Variants in TTLL11 observed in about 807,000 individuals in gnomAD.
TTLL11 encodes the protein tubulin tyrosine ligase like 11, also known as tubulin polyglutamylase TTLL11.
TTLL11 carries 42 observed loss-of-function variants against 51.7 expected under a neutral mutation model. The ratio of observed to expected loss-of-function variants is 0.81; its 90% CI spans 0.64 to 1.05. TTLL11 has a LOEUF of 1.05. Ranked by LOEUF, TTLL11 falls within the 50% of genes least tolerant of loss-of-function variation. The pLI, the probability that TTLL11 is intolerant of heterozygous loss-of-function variation, is 0.00. For missense variants in TTLL11, 799 were observed against 940.4 expected (o/e 0.85, Z 1.97); for synonymous variants, 381 against 383.5 (o/e 0.99, Z 0.08).
chr9:122,014,180 C>A (rs965233522), intron 3 of TTLL11, among the ~76,000 whole-genome samples: 5 of 152,062 alleles, frequency 3.3e-5, no homozygotes, highest in Non-Finnish European at 7.4e-5. Flanking sequence ...GCCTGGCCAA[C>A]ATAGCAAAAC....
chr9:122,002,245 A>G (rs1288456506), intron 3 of TTLL11, among the ~76,000 whole-genome samples: 1 of 152,194 alleles, frequency 6.6e-6, no homozygotes, highest in African/African-American at 2.4e-5. Flanking sequence ...CTGCTTCCTT[A>G]ATAAATCAGA....
At chr9:121,826,397 A>G (rs1302958304) in intron 8 of TTLL11, among the ~76,000 whole-genome samples, 1 of 136,754 alleles carries the variant, frequency 7.3e-6, no homozygotes, top group Non-Finnish European at 1.6e-5. Flanking sequence ...GTATATATAT[A>G]TGGGTTTATA....
chr9:122,047,180 C>T (rs1453326751), intron 1 of TTLL11, among the ~76,000 whole-genome samples: 1 of 152,166 alleles, frequency 6.6e-6, no homozygotes, highest in Non-Finnish European at 1.5e-5. Context: ...CAGCATATGC[C>T]TGTTGTCCTG....
chr9:121,956,998 G>A (rs1367052454), intron 6 of TTLL11, among the ~76,000 whole-genome samples: 2 of 152,154 alleles, frequency 1.3e-5, no homozygotes, highest in East Asian at 3.9e-4. Context: ...GGGAGTCTGG[G>A]AGTGGCCTTG....
intron 6 of TTLL11, among the ~76,000 whole-genome samples, chr9:121,951,710 C>T (rs1841855760): frequency 6.6e-6 from 1 of 152,134 alleles, no homozygotes; most frequent in African/African-American, 2.4e-5. Flanking sequence ...TTTCTTGGAC[C>T]TCCCGCAGGA....
At chr9:121,859,761 G>A (rs950608749) in intron 8 of TTLL11, among the ~76,000 whole-genome samples, 6 of 152,146 alleles carry the variant, frequency 3.9e-5, no homozygotes, top group Non-Finnish European at 8.8e-5. Context: ...AGCCTCACCT[G>A]TGTCCAGGCC....
chr9:121,894,157 G>T (rs1309747000), intron 6 of TTLL11, among the ~76,000 whole-genome samples: 1 of 152,196 alleles, frequency 6.6e-6, no homozygotes, highest in Non-Finnish European at 1.5e-5. Flanking sequence ...AAATGAGACA[G>T]TGTCCCTGCC....
chr9:121,911,476 C>T (rs1840115265), intron 6 of TTLL11, among the ~76,000 whole-genome samples: 1 of 152,152 alleles, frequency 6.6e-6, no homozygotes, highest in South Asian at 2.1e-4. Flanking sequence ...ACTATAAAGA[C>T]ATATGCACAT....
At chr9:121,851,520 C>T (rs970006465) in intron 8 of TTLL11, among the ~76,000 whole-genome samples, 2 of 152,218 alleles carry the variant, frequency 1.3e-5, no homozygotes, top group South Asian at 2.1e-4. Flanking sequence ...GCTTTTACAG[C>T]ACCTGGCCTG....
At position 121,894,904 on chromosome 9, in the gene TTLL11, T is replaced by A. The variant is rs184249496; in HGVS notation, c.1482-24156A>T. On this transcript the variant is annotated intron_variant, in intron 6 of 8. Transcript: ENST00000321582. The stretch of plus-strand genomic sequence containing the variant: ...CCCAGAACTTAAAGTATAATTTTTT[T>A]AAAAAAGGGTTAAAAAATTGGACCC... Among the ~76,000 whole-genome samples the A allele has an allele frequency of 1.5e-3, 225 of 152,208 alleles. 1 individual carries two copies. Among genetic ancestry groups the A allele is most frequent in the African/African-American group, 4.8e-3 (201 of 41,512 alleles).
At chr9:122,006,397 GA>G (rs1843645761) in intron 3 of TTLL11, among the ~76,000 whole-genome samples, 1 of 151,230 alleles carries the variant, frequency 6.6e-6, no homozygotes, top group Non-Finnish European at 1.5e-5. Flanking sequence ...TTTTTTTCTG[GA>G]TTTTTTTTTA....
At chr9:121,906,935 C>T (rs762059576) in intron 6 of TTLL11, among the ~76,000 whole-genome samples, 16 of 152,158 alleles carry the variant, frequency 1.1e-4, no homozygotes, top group South Asian at 2.1e-4. Context: ...TGGCCGGGCA[C>T]GGTGGCTCAT....
At chr9:122,040,516 T>A (rs1844820766) in intron 1 of TTLL11, 3 of 654,532 alleles carry the variant, frequency 4.6e-6, no homozygotes, top group Non-Finnish European at 5.7e-6. Context: ...TGTTAGTTCA[T>A]ATTCAGAATT....
intron 6 of TTLL11, among the ~76,000 whole-genome samples, chr9:121,880,643 A>T (rs1033710162): frequency 2.0e-5 from 3 of 152,210 alleles, no homozygotes; most frequent in African/African-American, 7.2e-5. Flanking sequence ...TTTCTTTTCT[A>T]GACGGAAAGT....
intron 8 of TTLL11, among the ~76,000 whole-genome samples, chr9:121,830,576 A>G (rs1209342084): frequency 6.6e-6 from 1 of 152,186 alleles, no homozygotes; most frequent in Non-Finnish European, 1.5e-5. Context: ...AGCAAACCCA[A>G]CCAGTTATTT....
At chr9:122,035,544 T>C (rs564730634) in intron 2 of TTLL11, among the ~76,000 whole-genome samples, 68 of 152,372 alleles carry the variant, frequency 4.5e-4, no homozygotes, top group South Asian at 1.7e-3. Context: ...AACTGAGCTA[T>C]ACTTGGAGCA....
At chr9:122,033,324 GCTGGTCTCAAACTC>G (rs1458394934) in intron 2 of TTLL11, among the ~76,000 whole-genome samples, 1 of 152,108 alleles carries the variant, frequency 6.6e-6, no homozygotes, top group Non-Finnish European at 1.5e-5. Flanking sequence ...TGTTGGCCAG[GCTGGTCTCAAACTC>G]CTGACCTCAG....
rs942846087 is a variant in TTLL11, at chr9:121,995,790, C to G, written c.694-6020G>C. Among the ~76,000 whole-genome samples the G allele has an allele frequency of 2.0e-5, 3 of 152,204 alleles. No individual in the cohort carries two copies. Among genetic ancestry groups the G allele is most frequent in the African/African-American group, 7.2e-5 (3 of 41,448 alleles). ...CAGATGATTAATTCTGATACAACAA[C>G]TCTCCCAAGCTTGGAAAGAATAAGA... On this transcript the variant is annotated intron_variant, in intron 3 of 8. Transcript: ENST00000321582. The surrounding 1 kb of genome is among the most constrained non-coding windows in gnomAD (Gnocchi z 4.4).
At chr9:122,085,336 T>C (rs2416852) in intron 1 of TTLL11, among the ~76,000 whole-genome samples, 65,025 of 152,004 alleles carry the variant, frequency 0.43, 15,802 homozygotes, top group African/African-American at 0.66. Context: ...CAATTAGACT[T>C]AGGAAACTTT....
Sources: gnomAD v4.1 joint callset for allele counts (sites outside exome capture counted in the v4.1 genomes callset) on GRCh38, gnomAD v4.1.1 for gene constraint, Gnocchi (gnomAD v3.1) non-coding constraint, MANE v1.5 for transcripts, NCBI Gene and HGNC (gene_info 2026-07-23, HGNC 2026-07-21) for gene names.